The following MAOB variants were observed in gnomAD, a reference collection of about 807,000 sequenced individuals.
The protein encoded by MAOB is amine oxidase [flavin-containing] B.
MAOB carries 15 observed loss-of-function variants against 41.9 expected under a neutral mutation model. That is an observed-to-expected ratio of 0.36 (90% confidence interval 0.24 to 0.55). The LOEUF (loss-of-function observed/expected upper bound fraction) is 0.55. Among genes scored for constraint, MAOB ranks in the 20% least tolerant of loss-of-function variants. MAOB has a pLI of 0.86. For synonymous variants in MAOB, 167 were observed against 144.2 expected (o/e 1.16, Z -1.13); for missense variants, 345 against 398.7 (o/e 0.87, Z 1.15).
At chrX:43,777,519 T>C (rs2034274801) in intron 11 of MAOB, among the ~76,000 whole-genome samples, 1 of 111,569 alleles carries the variant, frequency 9.0e-6, no homozygotes, top group African/African-American at 3.3e-5. Context: ...AGATCTGCAA[T>C]GGTGGGGCGA....
Position 43,882,390 on chromosome X carries a change from C to T in MAOB, c.-91G>A, listed in dbSNP as rs890642827. ...CCTGCCTGCCAGCCAGCCCGCCCGC[C>T]TGCCCGCCGGCCTGCTGCGCGCTGC... is the stretch of plus-strand genomic sequence containing the variant. On this transcript the variant is annotated 5_prime_UTR_variant, in exon 1 of 15. Coordinates refer to ENST00000378069, the MANE Select transcript of MAOB (RefSeq NM_000898.5). 4.7e-5 allele frequency: 53 copies of T among 1,118,000 alleles called. No homozygotes were observed. Among genetic ancestry groups the T allele is most frequent in the Non-Finnish European group, 6.2e-5 (53 of 851,888 alleles). The allele number at this position is 1,118,000 out of a possible 1,213,427, so 92.1% of individuals were successfully genotyped here.
At chrX:43,820,623 A>G (rs1433726139) in intron 3 of MAOB, among the ~76,000 whole-genome samples, 1 of 112,326 alleles carries the variant, frequency 8.9e-6, no homozygotes, top group Non-Finnish European at 1.9e-5. Flanking sequence ...GATACATGAT[A>G]TTAGATACCA....
rs754556618 is a variant in MAOB at position 43,795,871 on chromosome X, G to A, written c.636C>T (p.Gly212=). The change falls in exon 7 of 15, where the codon GGC becomes GGT. Residue 212 remains glycine (G), a synonymous_variant. Transcript: ENST00000378069. The part of the protein sequence containing the change: ...TNGGQERKFV[G]GSGQVSERIM... ...TCCGCTCACTCACTTGACCAGATCC[G>A]CCCACAAATTTCCTCTCCTGGAAAG... The A allele has an allele frequency of 1.2e-5, 15 of 1,206,890 alleles. No individual in the cohort carries two copies. Among genetic ancestry groups the A allele is most frequent in the Non-Finnish European group, 1.7e-5 (15 of 893,724 alleles).
chrX:43,803,198 T>C, intron 4 of MAOB, 102 bp downstream of exon 4: 1 of 662,470 alleles, frequency 1.5e-6, no homozygotes, highest in Non-Finnish European at 2.1e-6. Context: ...AGTTACCATG[T>C]GTTCACAATG....
At chrX:43,878,798 T>C (rs1439526274) in intron 1 of MAOB, among the ~76,000 whole-genome samples, 2 of 110,353 alleles carry the variant, frequency 1.8e-5, no homozygotes, top group Admixed American at 9.7e-5. Flanking sequence ...CCAGTACCAC[T>C]AGCCTGCAGC....
At chrX:43,869,342 C>G (rs5952352) in intron 1 of MAOB, among the ~76,000 whole-genome samples, 7,015 of 111,581 alleles carry the variant, frequency 0.063, 422 homozygotes, top group African/African-American at 0.18. Flanking sequence ...TCAAGAAAAA[C>G]AGCTGGGAGA....
intron 3 of MAOB, among the ~76,000 whole-genome samples, chrX:43,807,419 T>A (rs768851347): frequency 1.8e-5 from 2 of 112,507 alleles, no homozygotes; most frequent in South Asian, 7.4e-4. Context: ...TAGGTGGTCT[T>A]CTCAGTGTCC....
Position 43,767,262 on chromosome X carries a change from C to T in MAOB, c.*204G>A, listed in dbSNP as rs7066677. 4.8e-3 allele frequency: 1,765 copies of T among 368,172 alleles called. 32 individuals carry two copies. Among genetic ancestry groups the T allele is most frequent in the African/African-American group, 0.037 (1,423 of 38,694 alleles). 30.3% of individuals were successfully genotyped at this position (368,172 alleles called of 1,213,427 possible). A position where few individuals can be genotyped will look rare whatever the true frequency, so the allele number is the denominator to read the frequency against. On this transcript the variant is annotated 3_prime_UTR_variant, in exon 15 of 15. Coordinates refer to ENST00000378069, the MANE Select transcript of MAOB (RefSeq NM_000898.5). ...AAACTTGGAAACTGGTGAAACAGAA[C>T]GCTAAGCCAGGTAAGGGACACTAAG...
chrX:43,856,539 T>C (rs778190072), intron 1 of MAOB, among the ~76,000 whole-genome samples: 15 of 112,204 alleles, frequency 1.3e-4, no homozygotes, highest in Middle Eastern at 4.6e-3. Context: ...CAAAAATCCA[T>C]GTATAACTTT....
At chrX:43,781,639 C>A in intron 8 of MAOB, 95 bp from the exon 9 acceptor site, 2 of 432,447 alleles carry the variant, frequency 4.6e-6, no homozygotes, top group Non-Finnish European at 7.6e-6. Context: ...CTTGAGAAGC[C>A]CAAAGGCCAA....
At chrX:43,767,982 T>C (rs2034133009) in intron 14 of MAOB, among the ~76,000 whole-genome samples, 1 of 112,337 alleles carries the variant, frequency 8.9e-6, no homozygotes, top group African/African-American at 3.2e-5. Context: ...ACGTGTGCCA[T>C]AAATACTTGT....
At chrX:43,823,259 A>G (rs1462124131) in intron 3 of MAOB, among the ~76,000 whole-genome samples, 3 of 93,167 alleles carry the variant, frequency 3.2e-5, no homozygotes, top group Non-Finnish European at 6.1e-5. Context: ...TGCAACATCC[A>G]CCTCCCGGGT....
chrX:43,815,308 C>A (rs1233962422), intron 3 of MAOB, among the ~76,000 whole-genome samples: 1 of 111,840 alleles, frequency 8.9e-6, no homozygotes, highest in Non-Finnish European at 1.9e-5. Flanking sequence ...CAATAAATAT[C>A]ATCCCTTTAT....
intron 1 of MAOB, among the ~76,000 whole-genome samples, chrX:43,878,948 A>G (rs888348359): frequency 8.9e-6 from 1 of 112,311 alleles, no homozygotes; most frequent in Admixed American, 9.4e-5. Context: ...AGTCTGGCCA[A>G]AACTTTCTTG....
At chrX:43,781,842 C>G (rs747987158) in intron 8 of MAOB, among the ~76,000 whole-genome samples, 34 of 111,820 alleles carry the variant, frequency 3.0e-4, no homozygotes, top group Admixed American at 2.8e-3. Context: ...TACTTGGGCT[C>G]CCTGTTTTCT....
chrX:43,788,821 A>G (rs1260475144), intron 8 of MAOB, among the ~76,000 whole-genome samples: 3 of 111,531 alleles, frequency 2.7e-5, no homozygotes, highest in African/African-American at 9.7e-5. Flanking sequence ...TTATATTTGT[A>G]TAAAATATTT....
At chrX:43,789,258 T>A (rs2034435630) in intron 8 of MAOB, among the ~76,000 whole-genome samples, 1 of 112,248 alleles carries the variant, frequency 8.9e-6, no homozygotes, top group African/African-American at 3.2e-5. Flanking sequence ...ATTAGGGATG[T>A]TCAACTTGTA....
rs772830650 is a variant in MAOB, at chrX:43,819,284, T to G, written c.280-15880A>C. On this transcript the variant is annotated intron_variant, in intron 3 of 14. Coordinates refer to ENST00000378069, the MANE Select transcript of MAOB (RefSeq NM_000898.5). Reference sequence around the variant, plus strand: ...TTGATTTTCAGCCCCCTTCAGAGATTATCCCAGCTGCAGAAAATCCACTTT... The same window carrying G: ...TTGATTTTCAGCCCCCTTCAGAGATGATCCCAGCTGCAGAAAATCCACTTT... Among the ~76,000 whole-genome samples the G allele has an allele frequency of 2.7e-5, 3 of 111,376 alleles. No individual in the cohort carries two copies. The East Asian group carries it at 8.5e-4, about 32-fold the overall frequency.
intron 1 of MAOB, among the ~76,000 whole-genome samples, chrX:43,862,403 T>G (rs1258238608): frequency 8.9e-6 from 1 of 112,137 alleles, no homozygotes; most frequent in Non-Finnish European, 1.9e-5. Context: ...CCAATAAACA[T>G]TTATTTATTT....
Sources: allele counts gnomAD v4.1 joint callset (sites outside exome capture counted in the v4.1 genomes callset), GRCh38; gene constraint gnomAD v4.1.1; transcripts MANE v1.5; gene names NCBI Gene and HGNC (gene_info 2026-07-23, HGNC 2026-07-21).